GRIK4: variants seen among roughly 807,000 people sequenced by gnomAD.
The protein encoded by GRIK4 is glutamate ionotropic receptor kainate type subunit 4, also known as glutamate receptor ionotropic, kainate 4.
Under a neutral mutation model 104.9 loss-of-function variants are expected in GRIK4, and 40 were observed. The observed-to-expected ratio is 0.38, with a 90% CI of 0.30 to 0.50. The LOEUF (loss-of-function observed/expected upper bound fraction) is 0.50. Ranked by LOEUF, GRIK4 falls within the 20% of genes least tolerant of loss-of-function variation. The pLI, the probability that GRIK4 is intolerant of heterozygous loss-of-function variation, is 0.93. For missense variants in GRIK4, 1,047 were observed against 1,308.1 expected (o/e 0.80, Z 3.08); for synonymous variants, 485 against 524.9 (o/e 0.92, Z 1.04).
intron 13 of GRIK4, among the ~76,000 whole-genome samples, chr11:120,909,442 G>A (rs142628073): frequency 2.2e-4 from 34 of 152,322 alleles, no homozygotes; most frequent in Admixed American, 4.6e-4. Context: ...GTAAGCCTAG[G>A]ATTTCTTCTT....
intron 3 of GRIK4, among the ~76,000 whole-genome samples, chr11:120,703,949 T>C (rs1446528104): frequency 3.3e-5 from 5 of 152,206 alleles, no homozygotes; most frequent in Non-Finnish European, 5.9e-5. Context: ...CCTCAACAGA[T>C]GTCTGTTTAA....
intron 13 of GRIK4, among the ~76,000 whole-genome samples, chr11:120,909,701 T>C (rs567742317): frequency 3.8e-4 from 58 of 152,294 alleles, no homozygotes; most frequent in African/African-American, 1.3e-3. Flanking sequence ...AACAAGGGGC[T>C]TGGGGTTGAC....
intron 3 of GRIK4, among the ~76,000 whole-genome samples, chr11:120,780,160 T>C (rs1952124651): frequency 6.6e-6 from 1 of 152,246 alleles, no homozygotes; most frequent in African/African-American, 2.4e-5. Context: ...ATTTTTAATT[T>C]TGGTAAAATA....
intron 3 of GRIK4, among the ~76,000 whole-genome samples, chr11:120,766,957 A>T (rs1951851353): frequency 6.6e-6 from 1 of 152,002 alleles, no homozygotes; most frequent in Non-Finnish European, 1.5e-5. Context: ...CTGCCAATGG[A>T]TATGTAGGTT....
At chr11:120,665,403 G>T (rs1949895920) in intron 3 of GRIK4, among the ~76,000 whole-genome samples, 2 of 152,140 alleles carry the variant, frequency 1.3e-5, no homozygotes, top group South Asian at 4.1e-4. Context: ...AGAAATTGAT[G>T]ACTTTCTCCT....
Position 120,948,173 on chromosome 11 carries a change from G to A in GRIK4, c.1591-4682G>A, listed in dbSNP as rs149681036. Among the ~76,000 whole-genome samples, 50 of 152,228 alleles carry A rather than the reference G, an allele frequency of 3.3e-4. 4 individuals carry two copies. In the East Asian group the frequency reaches 4.8e-3, roughly 15 times the overall value. Reference sequence around the variant, plus strand: ...CCAGAAGGAGTCTTGGAGACACTGCGTTCTCTTACCTCTTCAGCCCTGGAC... The same window carrying A: ...CCAGAAGGAGTCTTGGAGACACTGCATTCTCTTACCTCTTCAGCCCTGGAC... On this transcript the variant is annotated intron_variant, in intron 14 of 20. Coordinates refer to ENST00000527524, the MANE Select transcript of GRIK4 (RefSeq NM_014619.5).
intron 1 of GRIK4, among the ~76,000 whole-genome samples, chr11:120,562,752 G>A (rs1319579101): frequency 6.6e-6 from 1 of 152,252 alleles, no homozygotes; most frequent in African/African-American, 2.4e-5. Context: ...TCCTCTGGTG[G>A]TGGTAGGGCA....
intron 1 of GRIK4, among the ~76,000 whole-genome samples, chr11:120,542,888 G>A (rs1411652183): frequency 1.3e-5 from 2 of 152,278 alleles, no homozygotes; most frequent in African/African-American, 2.4e-5. Flanking sequence ...AAGACCTAGG[G>A]GAAGGGGAAA....
At chr11:120,751,755 G>T (rs1017177520) in intron 3 of GRIK4, among the ~76,000 whole-genome samples, 1 of 152,210 alleles carries the variant, frequency 6.6e-6, no homozygotes, top group South Asian at 2.1e-4. Flanking sequence ...TGAAGGGCCT[G>T]CTCCTTCCTC....
At chr11:120,831,676 C>A (rs930986139) in intron 6 of GRIK4, among the ~76,000 whole-genome samples, 176 bp from the exon 7 acceptor site, 1 of 152,108 alleles carries the variant, frequency 6.6e-6, no homozygotes, top group African/African-American at 2.4e-5. Flanking sequence ...ATCATTGAAG[C>A]CCAAAGAGGC....
intron 3 of GRIK4, among the ~76,000 whole-genome samples, chr11:120,793,412 T>TACA (rs1952441380): frequency 6.6e-6 from 1 of 151,924 alleles, no homozygotes; most frequent in East Asian, 1.9e-4. Flanking sequence ...CGGGAGAGGC[T>TACA]GAAGAAGAAG....
chr11:120,832,216 G>A (rs1266664406), intron 7 of GRIK4, among the ~76,000 whole-genome samples, 186 bp downstream of exon 7: 1 of 152,164 alleles, frequency 6.6e-6, no homozygotes, highest in Admixed American at 6.5e-5. Flanking sequence ...CAGGGTGAGG[G>A]TGATGTCGTT....
At chr11:120,716,681 G>C (rs1950841309) in intron 3 of GRIK4, among the ~76,000 whole-genome samples, 1 of 152,164 alleles carries the variant, frequency 6.6e-6, no homozygotes, top group Admixed American at 6.5e-5. Flanking sequence ...AGTATAAATA[G>C]ATGAGGAGGA....
chr11:120,580,678 A>G (rs765402499), intron 1 of GRIK4, among the ~76,000 whole-genome samples: 10 of 151,808 alleles, frequency 6.6e-5, no homozygotes, highest in Admixed American at 1.3e-4. Flanking sequence ...TAGCGATCCT[A>G]CTGCCTCAGC....
At chr11:120,647,295 C>T (rs1298263047) in intron 1 of GRIK4, among the ~76,000 whole-genome samples, 1 of 152,176 alleles carries the variant, frequency 6.6e-6, no homozygotes, top group African/African-American at 2.4e-5. Flanking sequence ...GGTCAGTTTT[C>T]CCCACATTCA....
At chr11:120,638,207 A>G (rs1949423585) in intron 1 of GRIK4, among the ~76,000 whole-genome samples, 1 of 152,130 alleles carries the variant, frequency 6.6e-6, no homozygotes, top group South Asian at 2.1e-4. Flanking sequence ...TAACAATTAT[A>G]TAGCACTTAC....
chr11:120,799,401 A>C (rs1013719237), intron 3 of GRIK4, among the ~76,000 whole-genome samples: 1 of 152,178 alleles, frequency 6.6e-6, no homozygotes, highest in Admixed American at 6.5e-5. Flanking sequence ...TTTAGGGTTC[A>C]TTTACAGTCT....
intron 18 of GRIK4, 144 bp downstream of exon 18, chr11:120,962,825 T>C (rs1251319830): frequency 7.5e-5 from 5 of 66,436 alleles, no homozygotes; most frequent in Non-Finnish European, 1.6e-4. Flanking sequence ...ATTCTAAAGT[T>C]TTTTTTTTTT....
chr11:120,762,534 A>G (rs1054177185), intron 3 of GRIK4, among the ~76,000 whole-genome samples: 3 of 152,200 alleles, frequency 2.0e-5, no homozygotes, highest in Admixed American at 6.5e-5. Flanking sequence ...TTCAAAGGGA[A>G]TGCTTCCAGC....
Sources: gnomAD v4.1 joint callset for allele counts (sites outside exome capture counted in the v4.1 genomes callset) on GRCh38, gnomAD v4.1.1 for gene constraint, MANE v1.5 for transcripts, NCBI Gene and HGNC (gene_info 2026-07-23, HGNC 2026-07-21) for gene names.